Variants in MEI4 observed in about 807,000 individuals in gnomAD.
MEI4 encodes the protein meiosis-specific protein MEI4.
Under a neutral mutation model 31.4 loss-of-function variants are expected in MEI4, and 27 were observed. The ratio of observed to expected loss-of-function variants is 0.86; its 90% confidence interval spans 0.63 to 1.19. MEI4 has a LOEUF of 1.19. MEI4 is among the 50% of genes most tolerant of loss of function. MEI4 has a pLI of 0.00. For synonymous variants in MEI4, 122 were observed against 145.4 expected, an observed-to-expected ratio of 0.84 and a Z score of 1.16; for missense variants, 329 against 398.9, an observed-to-expected ratio of 0.82 and a Z score of 1.49.
intron 2 of MEI4, among the ~76,000 whole-genome samples, chr6:77,723,196 A>G (rs1207348778): frequency 7.0e-6 from 1 of 143,632 alleles, no homozygotes; most frequent in African/African-American, 2.6e-5. Flanking sequence ...GGGGCCATAT[A>G]CCCCTGTAGG....
At chr6:77,876,481 C>G (rs114637223) in intron 4 of MEI4, among the ~76,000 whole-genome samples, 1 of 152,138 alleles carries the variant, frequency 6.6e-6, no homozygotes, top group African/African-American at 2.4e-5. Flanking sequence ...TGCTCCTGGA[C>G]TTCCCAGCCT....
At chr6:77,657,323 G>A (rs903935835) in intron 1 of MEI4, among the ~76,000 whole-genome samples, 6 of 152,190 alleles carry the variant, frequency 3.9e-5, no homozygotes, top group Admixed American at 2.6e-4. Context: ...TTTTGTACAT[G>A]TTGTACTTTC....
intron 2 of MEI4, among the ~76,000 whole-genome samples, chr6:77,734,226 G>T (rs899979860): frequency 6.6e-6 from 1 of 151,980 alleles, no homozygotes; most frequent in Non-Finnish European, 1.5e-5. Context: ...TGACAGTGCG[G>T]TGTTAACATC....
intron 4 of MEI4, among the ~76,000 whole-genome samples, chr6:77,874,047 C>T (rs1170367283): frequency 2.0e-5 from 3 of 152,144 alleles, no homozygotes; most frequent in Non-Finnish European, 4.4e-5. Flanking sequence ...CTGATGCCTC[C>T]AGCTTTGTTC....
intron 4 of MEI4, among the ~76,000 whole-genome samples, chr6:77,857,311 A>C (rs1440704889): frequency 6.6e-6 from 1 of 152,224 alleles, no homozygotes; most frequent in Non-Finnish European, 1.5e-5. Flanking sequence ...TTAAGCAAAT[A>C]GTTGAAGCAG....
intron 2 of MEI4, among the ~76,000 whole-genome samples, chr6:77,733,805 C>T (rs769466138): frequency 2.6e-5 from 4 of 151,990 alleles, no homozygotes; most frequent in Non-Finnish European, 5.9e-5. Flanking sequence ...TTGAATGTGT[C>T]CCAGAGATTC....
intron 3 of MEI4, among the ~76,000 whole-genome samples, chr6:77,821,129 T>A (rs1398822617): frequency 6.6e-6 from 1 of 152,112 alleles, no homozygotes; most frequent in Non-Finnish European, 1.5e-5. Flanking sequence ...TTTAATGTTT[T>A]TCTTTCTTTT....
chr6:77,741,872 T>C (rs994193887), intron 2 of MEI4, among the ~76,000 whole-genome samples: 1 of 150,272 alleles, frequency 6.7e-6, no homozygotes, highest in Admixed American at 6.7e-5. Context: ...ATGCGGTGTT[T>C]GGTTTTTTGT....
At chr6:77,889,300 C>A (rs1771700870) in intron 4 of MEI4, among the ~76,000 whole-genome samples, 1 of 152,050 alleles carries the variant, frequency 6.6e-6, no homozygotes, top group Non-Finnish European at 1.5e-5. Flanking sequence ...TGGCTTTGAC[C>A]AAAATGCTGA....
intron 3 of MEI4, among the ~76,000 whole-genome samples, chr6:77,794,512 G>A (rs762393847): frequency 3.4e-4 from 52 of 152,076 alleles, no homozygotes; most frequent in Non-Finnish European, 5.9e-4. Context: ...GCAGTGAGCC[G>A]GACGGCGCCA....
At chr6:77,738,912 T>C (rs186911245) in intron 2 of MEI4, among the ~76,000 whole-genome samples, 1 of 152,352 alleles carries the variant, frequency 6.6e-6, no homozygotes, top group East Asian at 1.9e-4. Context: ...TCTGTTCATA[T>C]CCTTTGCCCA....
chr6:77,712,984 AG>A (rs1368329422), intron 2 of MEI4, among the ~76,000 whole-genome samples: 2 of 151,836 alleles, frequency 1.3e-5, no homozygotes, highest in South Asian at 2.1e-4. Context: ...AAAAAAAAAA[AG>A]AAGAAGCATT....
intron 3 of MEI4, among the ~76,000 whole-genome samples, chr6:77,800,850 T>C (rs1291317548): frequency 6.6e-6 from 1 of 152,222 alleles, no homozygotes; most frequent in African/African-American, 2.4e-5. Flanking sequence ...GCCCACTTGA[T>C]CATAGTGGAT....
chr6:77,704,722 G>A (rs998953462), intron 2 of MEI4, among the ~76,000 whole-genome samples: 6 of 152,108 alleles, frequency 3.9e-5, no homozygotes, highest in Non-Finnish European at 8.8e-5. Flanking sequence ...CATATGTTCA[G>A]GGAGCATAAT....
In MEI4 at chr6:77,920,911, G is replaced by T. The variant is rs1046723422; in HGVS notation, c.901-2178G>T. The stretch of plus-strand genomic sequence containing the variant: ...AACAATGCTTTCATCCAGGCTTGTT[G>T]TTTTATTGATAGATTGCAGCCAGAG... On this transcript the variant is annotated intron_variant, in intron 4 of 4. Transcript: ENST00000684080. Among the ~76,000 whole-genome samples the T allele has an allele frequency of 2.0e-5, 3 of 151,868 alleles. No individual in the cohort carries two copies. The Admixed American group carries it at 2.0e-4, about 10-fold the overall frequency.
At chr6:77,734,728 C>G (rs9448186) in intron 2 of MEI4, among the ~76,000 whole-genome samples, 1,585 of 152,006 alleles carry the variant, frequency 0.01, 45 homozygotes, top group African/African-American at 0.037. Flanking sequence ...TCTTCCTAGT[C>G]TCGATGGTCT....
chr6:77,871,019 C>T (rs1771177985), intron 4 of MEI4, among the ~76,000 whole-genome samples: 1 of 152,086 alleles, frequency 6.6e-6, no homozygotes, highest in Non-Finnish European at 1.5e-5. Context: ...TGATACGGCT[C>T]ATTTTTCATA....
At chr6:77,824,492 A>G (rs2127709778) in intron 3 of MEI4, among the ~76,000 whole-genome samples, 1 of 152,314 alleles carries the variant, frequency 6.6e-6, no homozygotes, top group Middle Eastern at 3.4e-3. Context: ...TTAGGATTAA[A>G]TGATACAGTA....
intron 4 of MEI4, among the ~76,000 whole-genome samples, chr6:77,849,353 G>C (rs1022966403): frequency 1.3e-5 from 2 of 152,118 alleles, no homozygotes; most frequent in Non-Finnish European, 2.9e-5. Context: ...ATAGGAGTGA[G>C]AGTGGGACTG....
Sources: allele counts gnomAD v4.1 joint callset (sites outside exome capture counted in the v4.1 genomes callset), GRCh38; gene constraint gnomAD v4.1.1; transcripts MANE v1.5; gene names NCBI Gene and HGNC (gene_info 2026-07-23, HGNC 2026-07-21).